Variants in SPAG9 observed in about 807,000 individuals in gnomAD.
SPAG9 encodes the protein C-Jun-amino-terminal kinase-interacting protein 4.
SPAG9 carries 35 observed loss-of-function variants against 166.5 expected under a neutral mutation model. The ratio of observed to expected loss-of-function variants is 0.21; its 90% CI spans 0.16 to 0.28. The LOEUF (loss-of-function observed/expected upper bound fraction) is 0.28, where lower values mean the gene tolerates loss of function less well. Ranked by LOEUF, SPAG9 falls within the 10% of genes least tolerant of loss-of-function variation. The pLI is 1.00. For missense variants in SPAG9, 1,235 were observed against 1,603.3 expected, an observed-to-expected ratio of 0.77 and a Z score of 3.92; for synonymous variants, 534 against 565.5, an observed-to-expected ratio of 0.94 and a Z score of 0.79.
At chr17:51,096,437 A>G (rs1226290969) in intron 1 of SPAG9, among the ~76,000 whole-genome samples, 1 of 152,100 alleles carries the variant, frequency 6.6e-6, no homozygotes, top group Non-Finnish European at 1.5e-5. Context: ...ATAGTGCAGG[A>G]AGTGTTGGCA....
At chr17:51,116,394 G>A (rs2049288506) in intron 1 of SPAG9, among the ~76,000 whole-genome samples, 1 of 152,118 alleles carries the variant, frequency 6.6e-6, no homozygotes, top group South Asian at 2.1e-4. Context: ...AGAATCAGAA[G>A]TTGCAGAAAA....
chr17:51,030,667 C>T (rs1164156446), intron 6 of SPAG9, among the ~76,000 whole-genome samples: 1 of 152,148 alleles, frequency 6.6e-6, no homozygotes, highest in Non-Finnish European at 1.5e-5. Context: ...ACTCTAGATA[C>T]TCACATTTAG....
rs1453359250 is a variant in SPAG9, at chr17:51,119,162, A to C, written c.303+1192T>G. Among the ~76,000 whole-genome samples, 4 of 152,318 alleles carry C rather than the reference A, an allele frequency of 2.6e-5. No homozygotes were observed. The East Asian group carries it at 7.7e-4, about 29-fold the overall frequency. ...AGCTTTTAAAAAAGGAAAAAGAACT[A>C]TTTAACCAGATGCAAAGGTATACGT... On this transcript the variant is annotated intron_variant, in intron 1 of 29. Transcript: ENST00000262013.
At chr17:51,029,557 C>A (rs182083382) in intron 6 of SPAG9, among the ~76,000 whole-genome samples, 2 of 152,180 alleles carry the variant, frequency 1.3e-5, no homozygotes, top group Admixed American at 1.3e-4. Context: ...TGTACACATA[C>A]AATCAAATAA....
At chr17:51,084,438 G>A (rs1200965767) in intron 1 of SPAG9, among the ~76,000 whole-genome samples, 1 of 151,952 alleles carries the variant, frequency 6.6e-6, no homozygotes, top group Non-Finnish European at 1.5e-5. Context: ...ACCCAGGCTG[G>A]AGTGCAGTGG....
At chr17:51,019,907 T>C (rs2045870993) in intron 8 of SPAG9, among the ~76,000 whole-genome samples, 1 of 152,214 alleles carries the variant, frequency 6.6e-6, no homozygotes, top group South Asian at 2.1e-4. Context: ...TATTTTGCTA[T>C]AGCAGTACAA....
intron 6 of SPAG9, among the ~76,000 whole-genome samples, chr17:51,025,897 G>GT: frequency 6.6e-6 from 1 of 152,116 alleles, no homozygotes; most frequent in South Asian, 2.1e-4. Flanking sequence ...AGTTTCAAAC[G>GT]TAACACACAT....
In SPAG9 at chr17:50,985,851, G is replaced by T; in HGVS notation, c.2940-73C>A. On this transcript the variant is annotated intron_variant, in intron 22 of 29. Transcript: ENST00000262013. ...ATTGCATATATCTAACAATGATCGC[G>T]AAGTTCATTCAGAAGGAAAGAAGAG... 3 of 819,614 alleles carry T rather than the reference G, an allele frequency of 3.7e-6. No homozygotes were observed. In the East Asian group the frequency reaches 8.4e-5, roughly 23 times the overall value. The allele number at this position is 819,614 out of a possible 1,614,324, so 50.8% of individuals were successfully genotyped here. A position where few individuals can be genotyped will look rare whatever the true frequency, so the allele number is the denominator to read the frequency against.
intron 2 of SPAG9, among the ~76,000 whole-genome samples, chr17:51,057,559 C>T (rs151184226): frequency 4.7e-4 from 71 of 152,240 alleles, no homozygotes; most frequent in African/African-American, 1.7e-3. Flanking sequence ...ACACCAGACA[C>T]CAAACAAAAC....
At chr17:51,008,327 A>G (rs2045312004) in intron 9 of SPAG9, among the ~76,000 whole-genome samples, 1 of 152,158 alleles carries the variant, frequency 6.6e-6, no homozygotes, top group Non-Finnish European at 1.5e-5. Context: ...AAACTGAAGA[A>G]ATGAAATAAC....
chr17:51,093,644 G>A (rs1037697518), intron 1 of SPAG9, among the ~76,000 whole-genome samples: 8 of 138,150 alleles, frequency 5.8e-5, no homozygotes, highest in Admixed American at 8.2e-5. Flanking sequence ...ACAGTGAGCC[G>A]AGATTGCGCC....
chr17:51,116,297 C>T (rs554442310), intron 1 of SPAG9, among the ~76,000 whole-genome samples: 10 of 152,300 alleles, frequency 6.6e-5, no homozygotes, highest in African/African-American at 2.2e-4. Flanking sequence ...CCATCTGCCT[C>T]GGCCTCCCAA....
intron 5 of SPAG9, among the ~76,000 whole-genome samples, chr17:51,037,693 T>TATA (rs1568028403): frequency 1.0e-4 from 9 of 89,906 alleles, no homozygotes; most frequent in African/African-American, 3.0e-4. Context: ...ATAGTGTGTG[T>TATA]GTGTGTGTGT....
intron 9 of SPAG9, among the ~76,000 whole-genome samples, chr17:51,007,629 T>C (rs1411615806): frequency 6.6e-6 from 1 of 152,176 alleles, no homozygotes; most frequent in African/African-American, 2.4e-5. Context: ...ATAGATAATA[T>C]TTCAAAAGGA....
chr17:51,057,920 TATG>T (rs1398503924), intron 2 of SPAG9, among the ~76,000 whole-genome samples: 2 of 152,250 alleles, frequency 1.3e-5, no homozygotes, highest in African/African-American at 4.8e-5. Flanking sequence ...AATTTAATTC[TATG>T]ATTTTTATTT....
chr17:50,991,923 C>CTTTTT (rs1023810785), intron 19 of SPAG9, among the ~76,000 whole-genome samples: 15 of 63,334 alleles, frequency 2.4e-4, no homozygotes, highest in African/African-American at 8.2e-4. Context: ...CATGCCAGGT[C>CTTTTT]TTTTTTTTTT....
chr17:51,095,324 T>C (rs1037708718), intron 1 of SPAG9, among the ~76,000 whole-genome samples: 4 of 99,516 alleles, frequency 4.0e-5, no homozygotes, highest in African/African-American at 1.2e-4. Context: ...AAAAAAAAAG[T>C]GGCAGCCAGG....
At chr17:50,971,838 G>A (rs1462019347) in intron 28 of SPAG9, among the ~76,000 whole-genome samples, 1 of 152,028 alleles carries the variant, frequency 6.6e-6, no homozygotes. Context: ...CGCGATCTCG[G>A]CTCACTGCAA....
At chr17:51,046,375 A>C in intron 4 of SPAG9, 1 of 660,612 alleles carries the variant, frequency 1.5e-6, no homozygotes, top group Non-Finnish European at 2.5e-6. Context: ...AGAATCAAAA[A>C]TCCTAGCTTC....
Sources: allele counts gnomAD v4.1 joint callset (sites outside exome capture counted in the v4.1 genomes callset), GRCh38; gene constraint gnomAD v4.1.1; transcripts MANE v1.5; gene names NCBI Gene and HGNC (gene_info 2026-07-23, HGNC 2026-07-21).